OTUD7A: variants seen among roughly 807,000 people sequenced by gnomAD.
The protein encoded by OTUD7A is OTU deubiquitinase 7A.
Under a neutral mutation model 65.7 loss-of-function variants are expected in OTUD7A, and 12 were observed. That is an observed-to-expected ratio of 0.18 (90% CI 0.12 to 0.30). OTUD7A has a LOEUF of 0.30. OTUD7A is among the 10% of genes least tolerant of loss of function. The probability of loss-of-function intolerance (pLI) is 1.00; values close to 1 mark genes in which losing one functional copy is unlikely to be tolerated. For synonymous variants in OTUD7A, 641 were observed against 586.3 expected (o/e 1.09, Z -1.35); for missense variants, 1,148 against 1,304.8 (o/e 0.88, Z 1.85).
chr15:31,594,338 G>A (rs1889841202), intron 3 of OTUD7A, among the ~76,000 whole-genome samples: 1 of 152,176 alleles, frequency 6.6e-6, no homozygotes. Flanking sequence ...CCAAAGACAT[G>A]AGAAATAAAT....
At chr15:31,632,214 G>T (rs1891188111) in intron 3 of OTUD7A, among the ~76,000 whole-genome samples, 1 of 152,060 alleles carries the variant, frequency 6.6e-6, no homozygotes, top group Non-Finnish European at 1.5e-5. Flanking sequence ...CCCCATCTTT[G>T]TGGCTTTATC....
At chr15:31,734,987 G>A (rs1030578653) in intron 1 of OTUD7A, among the ~76,000 whole-genome samples, 30 of 151,870 alleles carry the variant, frequency 2.0e-4, no homozygotes, top group African/African-American at 7.0e-4. Flanking sequence ...AGAAAATTTC[G>A]GCAAACTGTG....
intron 1 of OTUD7A, among the ~76,000 whole-genome samples, chr15:31,714,962 C>T (rs1377411114): frequency 6.6e-6 from 1 of 151,484 alleles, no homozygotes; most frequent in Non-Finnish European, 1.5e-5. Flanking sequence ...ATGGTGAAAC[C>T]CCGTCTCTAC....
chr15:31,687,964 G>A (rs943289810), intron 1 of OTUD7A, among the ~76,000 whole-genome samples: 16 of 152,054 alleles, frequency 1.1e-4, no homozygotes, highest in African/African-American at 2.7e-4. Context: ...ACCTGTAATC[G>A]CAGCACTTTT....
intron 5 of OTUD7A, among the ~76,000 whole-genome samples, chr15:31,532,601 C>T (rs540331539): frequency 1.8e-4 from 27 of 151,616 alleles, no homozygotes; most frequent in African/African-American, 5.8e-4. Flanking sequence ...GTCTGGAGTC[C>T]GTAGAAGAGG....
chr15:31,569,048 A>T (rs1888965160), intron 4 of OTUD7A, among the ~76,000 whole-genome samples: 1 of 152,218 alleles, frequency 6.6e-6, no homozygotes, highest in East Asian at 1.9e-4. Flanking sequence ...CACACCATAC[A>T]TTGTAATTTC....
At chr15:31,793,466 C>CCATTGTTATCTTCTTCTTAGAAGGCA (rs1895872061) in intron 1 of OTUD7A, among the ~76,000 whole-genome samples, 3 of 152,194 alleles carry the variant, frequency 2.0e-5, no homozygotes, top group African/African-American at 7.2e-5. Flanking sequence ...CCTCTATGGT[C>CCATTGTTATCTTCTTCTTAGAAGGCA]CATTGTTATC....
At chr15:31,645,371 C>T (rs1297860131) in intron 3 of OTUD7A, among the ~76,000 whole-genome samples, 1 of 152,146 alleles carries the variant, frequency 6.6e-6, no homozygotes, top group African/African-American at 2.4e-5. Flanking sequence ...TTTCCTGGTG[C>T]TGTCTGTTTT....
In OTUD7A at chr15:31,649,692, A is replaced by C. The variant is rs35901941; in HGVS notation, c.151+5404T>G. 13 of 391,260 alleles carry C rather than the reference A, an allele frequency of 3.3e-5. 1 individual carries two copies. Among genetic ancestry groups the C allele is most frequent in the South Asian group, 2.0e-4 (11 of 56,310 alleles). 24.2% of individuals were successfully genotyped at this position (391,260 alleles called of 1,614,324 possible). ...CAGTCCTCTTACCTGTGAAAGCCAA[A>C]GGCAGGACCCAGCAGTGGGTGAGGT... is the stretch of plus-strand genomic sequence containing the variant. On this transcript the variant is annotated intron_variant, in intron 3 of 12. Transcript: ENST00000307050.
chr15:31,672,557 G>A (rs1892507159), intron 1 of OTUD7A, among the ~76,000 whole-genome samples: 1 of 152,152 alleles, frequency 6.6e-6, no homozygotes, highest in African/African-American at 2.4e-5. Flanking sequence ...CAGGGACAGT[G>A]GTTTAGTTCC....
intron 1 of OTUD7A, among the ~76,000 whole-genome samples, chr15:31,739,302 C>A (rs1395923299): frequency 6.6e-6 from 1 of 152,074 alleles, no homozygotes; most frequent in Non-Finnish European, 1.5e-5. Context: ...TCATCCAGTC[C>A]AATGCTAAAA....
chr15:31,534,282 A>G (rs1171703112), intron 5 of OTUD7A, among the ~76,000 whole-genome samples: 1 of 152,230 alleles, frequency 6.6e-6, no homozygotes, highest in Admixed American at 6.5e-5. Context: ...ATAATTCACC[A>G]TATTAATGGG....
At position 31,487,324 on chromosome 15, in the gene OTUD7A, T is replaced by TA. The variant is rs2041251993; in HGVS notation, c.1287-47dup. 2 of 1,602,642 alleles carry TA rather than the reference T, an allele frequency of 1.2e-6. No individual in the cohort carries two copies. The highest frequency in any genetic ancestry group is 2.7e-5 in the African/African-American group (2 of 74,596). On this transcript the variant is annotated intron_variant, in intron 11 of 12. Transcript: ENST00000307050. The surrounding 1 kb of genome is among the most constrained non-coding windows in gnomAD (Gnocchi z 6.0). ...TATTGAAATGGTCTGAGCTGGCCCT[T>TA]ATAGCACCCAGTCCACTTGCATGCC...
intron 1 of OTUD7A, among the ~76,000 whole-genome samples, chr15:31,681,371 A>G (rs1239079538): frequency 6.6e-6 from 1 of 151,850 alleles, no homozygotes; most frequent in South Asian, 2.1e-4. Flanking sequence ...ATTTGTCAGT[A>G]TGTCTGTAGG....
chr15:31,535,678 T>G (rs1595591938), intron 5 of OTUD7A, among the ~76,000 whole-genome samples: 1 of 145,036 alleles, frequency 6.9e-6, no homozygotes, highest in Non-Finnish European at 1.5e-5. Flanking sequence ...GTTTTTGTTT[T>G]TTTTTTTTTT....
In OTUD7A at chr15:31,797,793, C is replaced by T. The variant is rs937016997; in HGVS notation, c.-100+72714G>A. 3.9e-5 allele frequency among the ~76,000 whole-genome samples: 6 copies of T among 152,312 alleles called. No individual in the cohort carries two copies. The South Asian group carries it at 6.2e-4, about 16-fold the overall frequency. On this transcript the variant is annotated intron_variant, in intron 1 of 12. Transcript: ENST00000307050. ...GTGGTCCCTGTGTGTGCTGCTTCTC[C>T]GGTGCTGGGAGGAAGTATCACAGCA...
At chr15:31,781,026 G>A (rs546678362) in intron 1 of OTUD7A, among the ~76,000 whole-genome samples, 22 of 152,314 alleles carry the variant, frequency 1.4e-4, no homozygotes, top group Admixed American at 1.4e-3. Context: ...AATGGCCCTT[G>A]TGGCAAGCTG....
intron 1 of OTUD7A, among the ~76,000 whole-genome samples, chr15:31,712,187 CT>C (rs1193122954): frequency 2.0e-5 from 3 of 151,058 alleles, no homozygotes; most frequent in African/African-American, 7.3e-5. Context: ...TTTTAAATCT[CT>C]TTCTGGCCCC....
At chr15:31,824,155 A>G (rs564222129) in intron 1 of OTUD7A, among the ~76,000 whole-genome samples, 1 of 152,230 alleles carries the variant, frequency 6.6e-6, no homozygotes, top group East Asian at 1.9e-4. Flanking sequence ...GCCTTTGTTC[A>G]GTTTCTGGAA....
Sources: allele counts gnomAD v4.1 joint callset (sites outside exome capture counted in the v4.1 genomes callset), GRCh38; gene constraint gnomAD v4.1.1; non-coding constraint Gnocchi (gnomAD v3.1); transcripts MANE v1.5; gene names NCBI Gene and HGNC (gene_info 2026-07-23, HGNC 2026-07-21).